Variants in PPP1R12A observed in about 807,000 individuals in gnomAD.
PPP1R12A encodes the protein myosin binding subunit.
PPP1R12A carries 19 observed loss-of-function variants against 139.6 expected under a neutral mutation model. The observed-to-expected ratio is 0.14, with a 90% confidence interval of 0.09 to 0.20. The LOEUF is 0.20. PPP1R12A is among the 10% of genes least tolerant of loss of function. The pLI is 1.00. For missense variants in PPP1R12A, 925 were observed against 1,211.5 expected, an observed-to-expected ratio of 0.76 and a Z score of 3.51; for synonymous variants, 427 against 420.6, an observed-to-expected ratio of 1.02 and a Z score of -0.19.
In PPP1R12A at chr12:79,880,825, G is replaced by A. The variant is rs535857535; in HGVS notation, c.238-7887C>T. Among the ~76,000 whole-genome samples the A allele has an allele frequency of 3.9e-5, 6 of 152,158 alleles. No homozygotes were observed. In the East Asian group the frequency reaches 7.7e-4, roughly 20 times the overall value. ...AAATTTGAAGGTTTGTGGCAACCCC[G>A]TGTCAGGCAAGTGTATTGGTGCCAC... On this transcript the variant is annotated intron_variant, in intron 1 of 24. Transcript: ENST00000450142.
At chr12:79,806,113 G>A in intron 13 of PPP1R12A, 53 bp downstream of exon 13, 2 of 1,536,150 alleles carry the variant, frequency 1.3e-6, no homozygotes, top group Non-Finnish European at 1.8e-6. Context: ...AAAAACGCAT[G>A]CACATACATA....
In PPP1R12A at chr12:79,777,351, A is replaced by C. The variant is rs1869862299; in HGVS notation, c.3006+1199T>G. On this transcript the variant is annotated intron_variant, in intron 24 of 24. Transcript: ENST00000450142. ...TAATGTAGCTCATCAATTGCAATATACAATTAGTGACAATTTCTAACATTC... is the reference window on the plus strand; with the variant it reads ...TAATGTAGCTCATCAATTGCAATATCCAATTAGTGACAATTTCTAACATTC... 5 of 981,174 alleles carry C rather than the reference A, an allele frequency of 5.1e-6. No homozygotes were observed. In the South Asian group the frequency reaches 2.4e-4, roughly 46 times the overall value. The allele number at this position is 981,174 out of a possible 1,614,324, so 60.8% of individuals were successfully genotyped here.
intron 1 of PPP1R12A, among the ~76,000 whole-genome samples, chr12:79,898,172 G>A (rs574116001): frequency 9.9e-5 from 15 of 152,172 alleles, no homozygotes; most frequent in African/African-American, 2.4e-4. Flanking sequence ...ATAGCTGGCC[G>A]GGCGCGGTGG....
intron 14 of PPP1R12A, among the ~76,000 whole-genome samples, chr12:79,805,179 G>GT (rs891206405): frequency 1.2e-4 from 18 of 152,146 alleles, no homozygotes; most frequent in Non-Finnish European, 2.9e-5. Context: ...GAACAAAACA[G>GT]TTCAACATCC....
chr12:79,882,501 G>A (rs1883728499), intron 1 of PPP1R12A, among the ~76,000 whole-genome samples: 1 of 152,196 alleles, frequency 6.6e-6, no homozygotes, highest in Admixed American at 6.5e-5. Flanking sequence ...TTGAATAGAT[G>A]AGGAGTTATT....
At chr12:79,852,270 A>G (rs1344247161) in intron 2 of PPP1R12A, among the ~76,000 whole-genome samples, 1 of 150,956 alleles carries the variant, frequency 6.6e-6, no homozygotes, top group Non-Finnish European at 1.5e-5. Flanking sequence ...AGTTCACTAC[A>G]GCCATGACCT....
intron 22 of PPP1R12A, among the ~76,000 whole-genome samples, chr12:79,784,147 G>C (rs949798370): frequency 1.3e-5 from 2 of 152,008 alleles, no homozygotes; most frequent in African/African-American, 4.8e-5. Flanking sequence ...GAATAGTTAT[G>C]AAGTCAATCA....
At chr12:79,777,719 A>C (rs1487299803) in intron 24 of PPP1R12A, 2 of 847,590 alleles carry the variant, frequency 2.4e-6, no homozygotes, top group Admixed American at 6.2e-5. Flanking sequence ...TATAATAAGA[A>C]TGTAATCACA....
At chr12:79,846,595 C>T (rs966475601) in intron 2 of PPP1R12A, among the ~76,000 whole-genome samples, 23 of 142,852 alleles carry the variant, frequency 1.6e-4, no homozygotes, top group African/African-American at 5.9e-4. Context: ...GCGCGTGGCT[C>T]ATTTTTTTTT....
chr12:79,843,098 C>T (rs1878939239), intron 3 of PPP1R12A, among the ~76,000 whole-genome samples: 1 of 152,050 alleles, frequency 6.6e-6, no homozygotes, highest in South Asian at 2.1e-4. Flanking sequence ...GTCCTCCATG[C>T]TGTAGCGTAT....
chr12:79,824,290 G>A (rs573727680), intron 5 of PPP1R12A, among the ~76,000 whole-genome samples: 32 of 152,174 alleles, frequency 2.1e-4, no homozygotes, highest in African/African-American at 7.2e-4. Flanking sequence ...GTGTGTTTAA[G>A]ATTATGTTAT....
chr12:79,864,656 T>C (rs555990664), intron 2 of PPP1R12A, among the ~76,000 whole-genome samples: 88 of 152,198 alleles, frequency 5.8e-4, no homozygotes, highest in South Asian at 1.9e-3. Context: ...ACCAATCCCA[T>C]AGAAATACAA....
In PPP1R12A at chr12:79,805,767, T is replaced by A; in HGVS notation, c.1825A>T (p.Thr609Ser). ...GSSSAGTQSS[T>S]SNRLWAEDST... ...TCCTCAGCCCACAAACGATTTGAGG[T>A]ACTATAGCATCATAAGCAGCAACAC... The change falls in exon 14 of 25, where the codon ACC (threonine) becomes TCC (serine). Residue 609 changes from threonine to serine, a missense_variant and splice_region_variant. Thr to Ser is a moderately conservative substitution (Grantham distance 58). This residue lies in a region of PPP1R12A where 403 missense variants were observed against 463.7 expected (regional missense o/e 0.87). Coordinates refer to ENST00000450142, the MANE Select transcript of PPP1R12A (RefSeq NM_002480.3). 6.2e-7 allele frequency: 1 copy of A among 1,609,216 alleles called. No individual in the cohort carries two copies. Among genetic ancestry groups the A allele is most frequent in the Non-Finnish European group, 8.5e-7 (1 of 1,176,908 alleles).
intron 8 of PPP1R12A, chr12:79,819,209 A>G (rs536574981): frequency 2.6e-5 from 4 of 152,370 alleles, no homozygotes; most frequent in Admixed American, 1.3e-4. Context: ...GATGGTAATT[A>G]GTTATATTTA....
At chr12:79,921,710 ATCTC>A (rs1160277902) in intron 1 of PPP1R12A, among the ~76,000 whole-genome samples, 16 of 152,362 alleles carry the variant, frequency 1.1e-4, no homozygotes, top group African/African-American at 2.9e-4. Flanking sequence ...ATAAATGGTG[ATCTC>A]TCTATGTTTC....
At position 79,828,395 on chromosome 12, in the gene PPP1R12A, T is replaced by G; in HGVS notation, c.717A>C (p.Ala239=). The G allele has an allele frequency of 6.2e-7, 1 of 1,612,402 alleles. No homozygotes were observed. Among genetic ancestry groups the G allele is most frequent in the African/African-American group, 1.3e-5 (1 of 74,990 alleles). The change falls in exon 5 of 25, where the codon GCA becomes GCC. Residue 239 remains alanine (A), a synonymous_variant. Coordinates refer to ENST00000450142, the MANE Select transcript of PPP1R12A (RefSeq NM_002480.3). ...ATGCTTCTTCTTTACCCCAATGAGC[T>G]GCAGCATGAAGAGGTGTCCAGCCAT... ...DYDGWTPLHA[A]AHWGKEEACR...
At chr12:79,852,797 C>T (rs556175736) in intron 2 of PPP1R12A, among the ~76,000 whole-genome samples, 3 of 152,268 alleles carry the variant, frequency 2.0e-5, no homozygotes, top group South Asian at 4.1e-4. Context: ...TCTACTAATA[C>T]CCCTGGGTGC....
chr12:79,825,525 GAAA>G (rs2137128684), intron 5 of PPP1R12A: 1 of 151,898 alleles, frequency 6.6e-6, no homozygotes, highest in South Asian at 2.1e-4. Context: ...TTAAAGAAAT[GAAA>G]CTGAAATCTC....
intron 20 of PPP1R12A, 131 bp from the exon 21 acceptor site, chr12:79,788,914 T>A: frequency 3.9e-6 from 3 of 760,808 alleles, no homozygotes; most frequent in Non-Finnish European, 5.9e-6. Flanking sequence ...ATCTGATTAA[T>A]TTTTGTGATA....
Sources: gnomAD v4.1 joint callset for allele counts (sites outside exome capture counted in the v4.1 genomes callset) on GRCh38, gnomAD v4.1.1 for gene constraint, gnomAD v4.1.1 regional missense constraint, MANE v1.5 for transcripts, NCBI Gene and HGNC (gene_info 2026-07-23, HGNC 2026-07-21) for gene names.